The following CTNNA3 variants were observed in gnomAD, a reference collection of about 807,000 sequenced individuals.
The protein encoded by CTNNA3 is catenin alpha-3.
A neutral mutation model predicts 95.7 loss-of-function variants in CTNNA3; 76 were observed. The observed-to-expected ratio is 0.79, with a 90% CI of 0.66 to 0.96. The LOEUF (loss-of-function observed/expected upper bound fraction) is 0.96, where lower values mean the gene tolerates loss of function less well. Among genes scored for constraint, CTNNA3 ranks in the 40% least tolerant of loss-of-function variants. The pLI is 0.00. For synonymous variants in CTNNA3, 431 were observed against 374.4 expected (o/e 1.15, Z -1.74); for missense variants, 1,191 against 1,089.8 (o/e 1.09, Z -1.31).
chr10:66,666,214 C>A (rs1846446519), intron 9 of CTNNA3, among the ~76,000 whole-genome samples: 1 of 152,106 alleles, frequency 6.6e-6, no homozygotes. Flanking sequence ...GTATGAGATC[C>A]TCTGAGCACA....
chr10:66,105,678 GT>G (rs1422530732), intron 13 of CTNNA3, among the ~76,000 whole-genome samples: 4 of 152,126 alleles, frequency 2.6e-5, no homozygotes, highest in African/African-American at 9.7e-5. Context: ...GTTTTTCTTT[GT>G]GTTTAACACA....
intron 3 of CTNNA3, among the ~76,000 whole-genome samples, chr10:67,539,983 C>T (rs1307430302): frequency 2.6e-5 from 4 of 152,082 alleles, no homozygotes; most frequent in Non-Finnish European, 5.9e-5. Context: ...GGTTTTATTA[C>T]TAAAGCTTCA....
intron 7 of CTNNA3, among the ~76,000 whole-genome samples, chr10:67,128,181 G>T (rs1859816139): frequency 6.6e-6 from 1 of 152,010 alleles, no homozygotes; most frequent in South Asian, 2.1e-4. Flanking sequence ...CAGATACTCA[G>T]TCAAATATTA....
chr10:67,723,150 C>A (rs1178964106), intron 1 of CTNNA3, among the ~76,000 whole-genome samples: 1 of 151,888 alleles, frequency 6.6e-6, no homozygotes, highest in Non-Finnish European at 1.5e-5. Context: ...CCACACCTGG[C>A]TAATTTTTGT....
At chr10:66,145,128 C>G (rs1487377619) in intron 13 of CTNNA3, among the ~76,000 whole-genome samples, 5 of 152,110 alleles carry the variant, frequency 3.3e-5, no homozygotes, top group Non-Finnish European at 7.4e-5. Flanking sequence ...GGAGACCCTA[C>G]AAACTACTAA....
At chr10:66,486,206 G>T (rs1442355958) in intron 11 of CTNNA3, among the ~76,000 whole-genome samples, 4 of 151,964 alleles carry the variant, frequency 2.6e-5, no homozygotes, top group Admixed American at 2.0e-4. Flanking sequence ...TATAAAAATG[G>T]GATTACATCA....
At chr10:67,423,781 G>T (rs1845825112) in intron 5 of CTNNA3, among the ~76,000 whole-genome samples, 1 of 152,094 alleles carries the variant, frequency 6.6e-6, no homozygotes, top group South Asian at 2.1e-4. Flanking sequence ...TACAGGCAGT[G>T]CCAAGAAAAG....
intron 5 of CTNNA3, among the ~76,000 whole-genome samples, chr10:67,370,231 T>C (rs1367520935): frequency 6.6e-6 from 1 of 152,126 alleles, no homozygotes; most frequent in Admixed American, 6.5e-5. Flanking sequence ...TGTGGAAAGA[T>C]CTCCACTTGA....
At chr10:67,359,216 G>T (rs572039662) in intron 5 of CTNNA3, among the ~76,000 whole-genome samples, 1 of 146,722 alleles carries the variant, frequency 6.8e-6, no homozygotes, top group South Asian at 2.2e-4. Flanking sequence ...AAAACAAAAA[G>T]GCCCATTCAA....
At position 66,700,403 on chromosome 10, in the gene CTNNA3, G is replaced by A. The variant is rs79607699; in HGVS notation, c.1281+65861C>T. 2.7e-3 allele frequency among the ~76,000 whole-genome samples: 409 copies of A among 152,170 alleles called. 11 individuals are homozygous for A. In the East Asian group the frequency reaches 0.055, roughly 20 times the overall value. On this transcript the variant is annotated intron_variant, in intron 9 of 17. Coordinates refer to ENST00000433211, the MANE Select transcript of CTNNA3 (RefSeq NM_013266.4). Reference sequence around the variant, plus strand: ...TTGAAGATACTACCCTCTCTCCATCGTGTCTTCTTGGTAGCCTTGCTGAAA... The same window carrying A: ...TTGAAGATACTACCCTCTCTCCATCATGTCTTCTTGGTAGCCTTGCTGAAA...
intron 10 of CTNNA3, among the ~76,000 whole-genome samples, chr10:66,611,086 A>G (rs554588707): frequency 2.0e-5 from 3 of 152,238 alleles, no homozygotes; most frequent in African/African-American, 7.2e-5. Context: ...CTTATTCACT[A>G]AAACTGTGGA....
intron 7 of CTNNA3, among the ~76,000 whole-genome samples, chr10:67,027,937 T>C (rs1318452464): frequency 1.3e-5 from 2 of 152,238 alleles, no homozygotes; most frequent in African/African-American, 4.8e-5. Context: ...AGTACTTTTT[T>C]GTTTATAAAA....
chr10:65,937,627 T>C (rs966905877), intron 17 of CTNNA3, among the ~76,000 whole-genome samples: 1 of 152,168 alleles, frequency 6.6e-6, no homozygotes, highest in African/African-American at 2.4e-5. Context: ...GTGCACCCTG[T>C]TGTATTTTGC....
chr10:66,473,975 T>G (rs1284609779), intron 11 of CTNNA3, among the ~76,000 whole-genome samples: 1 of 152,156 alleles, frequency 6.6e-6, no homozygotes, highest in African/African-American at 2.4e-5. Context: ...ACAATAAACA[T>G]ACGTGTACAT....
intron 15 of CTNNA3, among the ~76,000 whole-genome samples, chr10:66,019,655 T>A (rs201056130): frequency 2.0e-5 from 3 of 151,746 alleles, no homozygotes; most frequent in Admixed American, 2.0e-4. Flanking sequence ...AAAAAGAATA[T>A]GAGAAAAGGA....
chr10:67,287,743 A>G (rs923179674), intron 5 of CTNNA3, among the ~76,000 whole-genome samples: 2 of 152,210 alleles, frequency 1.3e-5, no homozygotes, highest in African/African-American at 4.8e-5. Context: ...GAAACAGACT[A>G]CTTAGAACAC....
In CTNNA3 at chr10:66,909,548, C is replaced by T. The variant is rs959921583; in HGVS notation, c.1048-134024G>A. ...AAATAAATAAATAAATAAATCACTA[C>T]CTTCGGACACAAATGAAATTTCCTT... On this transcript the variant is annotated intron_variant, in intron 7 of 17. Transcript: ENST00000433211. Among the ~76,000 whole-genome samples the T allele has an allele frequency of 5.9e-5, 9 of 152,024 alleles. No individual in the cohort carries two copies. The South Asian group carries it at 1.9e-3, about 32-fold the overall frequency.
chr10:67,180,325 T>G lies in CTNNA3; in HGVS notation c.1039A>C (p.Met347Leu). 1 of 1,613,330 alleles carries G rather than the reference T, an allele frequency of 6.2e-7. No individual in the cohort carries two copies. The highest frequency in any genetic ancestry group is 8.5e-7 in the Non-Finnish European group (1 of 1,179,816). The change falls in exon 7 of 18, where the codon ATG becomes CTG. Residue 347 changes from methionine (M) to leucine (L), a missense_variant. Transcript: ENST00000433211. ...GCAAACCAGTCACCTACGTTGTTCATGTACTCTGAAAGCAGATCCTGAAGA... is the reference window on the plus strand; with the variant it reads ...GCAAACCAGTCACCTACGTTGTTCAGGTACTCTGAAAGCAGATCCTGAAGA... ...QALQDLLSEY[M>L]NNAGKKERSN...
chr10:66,658,587 G>A (rs538688947), intron 9 of CTNNA3, among the ~76,000 whole-genome samples: 2 of 152,244 alleles, frequency 1.3e-5, no homozygotes, highest in South Asian at 4.2e-4. Flanking sequence ...TGCCAGCATT[G>A]GAGAGTTTGC....
Sources: gnomAD v4.1 joint callset for allele counts (sites outside exome capture counted in the v4.1 genomes callset) on GRCh38, gnomAD v4.1.1 for gene constraint, MANE v1.5 for transcripts, NCBI Gene and HGNC (gene_info 2026-07-23, HGNC 2026-07-21) for gene names.